ACOXL: variants seen among roughly 807,000 people sequenced by gnomAD.
ACOXL encodes the protein acyl-coenzyme A oxidase-like protein.
ACOXL carries 70 observed loss-of-function variants against 71.9 expected under a neutral mutation model. The observed-to-expected ratio is 0.97, with a 90% CI of 0.80 to 1.19. The LOEUF (loss-of-function observed/expected upper bound fraction) is 1.19, where lower values mean the gene tolerates loss of function less well. Among genes scored for constraint, ACOXL ranks in the 50% most tolerant of loss-of-function variants. The pLI, the probability that ACOXL is intolerant of heterozygous loss-of-function variation, is 0.00. For synonymous variants in ACOXL, 253 were observed against 281.6 expected (o/e 0.90, Z 1.02); for missense variants, 703 against 736.3 (o/e 0.95, Z 0.52).
intron 17 of ACOXL, among the ~76,000 whole-genome samples, chr2:111,097,989 T>A (rs2068902944): frequency 6.6e-6 from 1 of 152,248 alleles, no homozygotes; most frequent in South Asian, 2.1e-4. Context: ...AGAGAAATAC[T>A]TATTTTACAA....
chr2:111,029,102 A>G (rs1316889779), intron 14 of ACOXL, among the ~76,000 whole-genome samples: 1 of 152,248 alleles, frequency 6.6e-6, no homozygotes, highest in East Asian at 1.9e-4. Context: ...TAATGAGCAA[A>G]TACAATTAAG....
chr2:111,046,934 C>A (rs7563010), intron 15 of ACOXL, among the ~76,000 whole-genome samples: 41,451 of 152,042 alleles, frequency 0.27, 5,861 homozygotes, highest in Middle Eastern at 0.33. Flanking sequence ...CCAGCAGGGC[C>A]AGGCTCAGAG....
chr2:111,022,615 G>A (rs1253950146), intron 14 of ACOXL, among the ~76,000 whole-genome samples: 2 of 152,070 alleles, frequency 1.3e-5, no homozygotes, highest in Non-Finnish European at 2.9e-5. Context: ...GGTGCTTCTG[G>A]GGACCCCGAG....
intron 10 of ACOXL, among the ~76,000 whole-genome samples, chr2:110,890,973 G>GT (rs911916531): frequency 6.6e-6 from 1 of 150,996 alleles, no homozygotes; most frequent in African/African-American, 2.4e-5. Context: ...CTTTTTTTTT[G>GT]TTTTCAGTAC....
intron 11 of ACOXL, among the ~76,000 whole-genome samples, chr2:110,910,336 A>G (rs1442539387): frequency 6.6e-6 from 1 of 152,218 alleles, no homozygotes; most frequent in Non-Finnish European, 1.5e-5. Flanking sequence ...GAATAGTAAC[A>G]TGAAATGACT....
chr2:110,937,128 G>A (rs1424373572), intron 12 of ACOXL, among the ~76,000 whole-genome samples: 1 of 152,142 alleles, frequency 6.6e-6, no homozygotes, highest in Non-Finnish European at 1.5e-5. Context: ...TATTAACTCA[G>A]TCTCTAGCTC....
intron 10 of ACOXL, among the ~76,000 whole-genome samples, chr2:110,847,919 G>C (rs1217215751): frequency 1.3e-5 from 2 of 152,256 alleles, no homozygotes; most frequent in Non-Finnish European, 2.9e-5. Context: ...AATGAGCCCA[G>C]ATGGCCTAGA....
At chr2:110,780,068 G>T (rs1177858052) in intron 2 of ACOXL, among the ~76,000 whole-genome samples, 3 of 152,188 alleles carry the variant, frequency 2.0e-5, no homozygotes, top group Non-Finnish European at 4.4e-5. Context: ...ACAAAAACTT[G>T]TGTCCAGATA....
chr2:111,088,591 T>C (rs1423934694), intron 16 of ACOXL, among the ~76,000 whole-genome samples: 1 of 152,020 alleles, frequency 6.6e-6, no homozygotes, highest in African/African-American at 2.4e-5. Context: ...TGAGAACACA[T>C]GGACACACAA....
intron 14 of ACOXL, among the ~76,000 whole-genome samples, chr2:111,024,618 G>A (rs557432840): frequency 1.3e-5 from 2 of 152,260 alleles, no homozygotes; most frequent in East Asian, 3.9e-4. Flanking sequence ...GCAGCCCTAG[G>A]GAACCAATAT....
intron 11 of ACOXL, among the ~76,000 whole-genome samples, chr2:110,925,741 A>G (rs1323231926): frequency 6.6e-6 from 1 of 152,022 alleles, no homozygotes; most frequent in Non-Finnish European, 1.5e-5. Flanking sequence ...AATTTCCTTC[A>G]AGAACTTTTC....
At chr2:111,083,643 G>A (rs923907501) in intron 16 of ACOXL, among the ~76,000 whole-genome samples, 8 of 150,974 alleles carry the variant, frequency 5.3e-5, no homozygotes, top group Admixed American at 1.3e-4. Context: ...AGACCATATC[G>A]CACAACTACC....
chr2:110,733,285 G>T (rs1051636501), intron 1 of ACOXL, among the ~76,000 whole-genome samples: 1 of 152,146 alleles, frequency 6.6e-6, no homozygotes, highest in Non-Finnish European at 1.5e-5. Context: ...CAGGTGTGCG[G>T]AATGGGCAGC....
At chr2:110,911,633 G>A (rs1019609070) in intron 11 of ACOXL, among the ~76,000 whole-genome samples, 3 of 152,028 alleles carry the variant, frequency 2.0e-5, no homozygotes, top group African/African-American at 7.2e-5. Flanking sequence ...CCCCATAGAT[G>A]CAGAAAAAGT....
At chr2:110,759,007 A>G (rs983866626) in intron 1 of ACOXL, among the ~76,000 whole-genome samples, 2 of 152,134 alleles carry the variant, frequency 1.3e-5, no homozygotes, top group African/African-American at 2.4e-5. Flanking sequence ...CTTAATCTTG[A>G]GTTCTAATTT....
At chr2:111,019,870 T>C (rs2064662592) in intron 14 of ACOXL, among the ~76,000 whole-genome samples, 1 of 151,636 alleles carries the variant, frequency 6.6e-6, no homozygotes, top group Non-Finnish European at 1.5e-5. Context: ...TTTCTTTTTC[T>C]TTTTTTTTGA....
At chr2:111,049,395 C>T (rs1199104128) in intron 16 of ACOXL, 107 bp downstream of exon 16, 18 of 870,888 alleles carry the variant, frequency 2.1e-5, no homozygotes, top group Admixed American at 1.9e-4. Flanking sequence ...ATGTCTGAAT[C>T]GTGTGCTCCA....
rs1015201913 is a variant in ACOXL at position 110,861,729 on chromosome 2, T to A, written c.788+20324T>A. On this transcript the variant is annotated intron_variant, in intron 10 of 17. Coordinates refer to ENST00000439055, the MANE Select transcript of ACOXL (RefSeq NM_001142807.4). ...GTGTTTGCACCTTATTGTCACTACGTAATGTCTGAAAAACTTGGAATTATT... is the reference window on the plus strand; with the variant it reads ...GTGTTTGCACCTTATTGTCACTACGAAATGTCTGAAAAACTTGGAATTATT... 5.3e-5 allele frequency among the ~76,000 whole-genome samples: 8 copies of A among 152,236 alleles called. No individual in the cohort carries two copies. In the East Asian group the frequency reaches 1.5e-3, roughly 29 times the overall value.
At chr2:111,039,752 A>G (rs1455459413) in intron 15 of ACOXL, among the ~76,000 whole-genome samples, 2 of 152,168 alleles carry the variant, frequency 1.3e-5, no homozygotes, top group Admixed American at 1.3e-4. Flanking sequence ...TTTTATAACT[A>G]TGGGTGAAAA....
Sources: allele counts gnomAD v4.1 joint callset (sites outside exome capture counted in the v4.1 genomes callset), GRCh38; gene constraint gnomAD v4.1.1; transcripts MANE v1.5; gene names NCBI Gene and HGNC (gene_info 2026-07-23, HGNC 2026-07-21).